SYNDIG1: variants seen among roughly 807,000 people sequenced by gnomAD.
SYNDIG1 encodes synapse differentiation inducing 1.
SYNDIG1 carries 9 observed loss-of-function variants against 19.4 expected under a neutral mutation model. The ratio of observed to expected loss-of-function variants is 0.46; its 90% confidence interval spans 0.28 to 0.81. The LOEUF (loss-of-function observed/expected upper bound fraction) is 0.81, where lower values mean the gene tolerates loss of function less well. SYNDIG1 is among the 30% of genes least tolerant of loss of function. The pLI is 0.12. For synonymous variants in SYNDIG1, 141 were observed against 145.9 expected, an observed-to-expected ratio of 0.97 and a Z score of 0.24; for missense variants, 311 against 343.3, an observed-to-expected ratio of 0.91 and a Z score of 0.74.
At chr20:24,652,196 TG>T (rs2059480411) in intron 3 of SYNDIG1, among the ~76,000 whole-genome samples, 1 of 152,176 alleles carries the variant, frequency 6.6e-6, no homozygotes, top group Non-Finnish European at 1.5e-5. Context: ...GAAATGGGAT[TG>T]ACGGGAAAGC....
At chr20:24,604,753 T>TAAAA (rs2058729297) in intron 3 of SYNDIG1, among the ~76,000 whole-genome samples, 1 of 152,200 alleles carries the variant, frequency 6.6e-6, no homozygotes, top group Non-Finnish European at 1.5e-5. Context: ...TTTACTTTTT[T>TAAAA]AATAAACTTG....
intron 1 of SYNDIG1, among the ~76,000 whole-genome samples, chr20:24,499,093 C>T (rs1168450122): frequency 1.3e-5 from 2 of 152,198 alleles, no homozygotes; most frequent in Admixed American, 1.3e-4. Context: ...GGCACGATCT[C>T]GGCTCACTGC....
At chr20:24,501,255 T>A (rs1393426342) in intron 1 of SYNDIG1, among the ~76,000 whole-genome samples, 1 of 152,220 alleles carries the variant, frequency 6.6e-6, no homozygotes, top group African/African-American at 2.4e-5. Context: ...TATAATCTAC[T>A]AAAACTCTTG....
At chr20:24,659,095 G>C (rs138337854) in intron 3 of SYNDIG1, among the ~76,000 whole-genome samples, 2 of 152,078 alleles carry the variant, frequency 1.3e-5, no homozygotes, top group African/African-American at 2.4e-5. Context: ...ACTGCTGAGC[G>C]TGGCATACTG....
intron 3 of SYNDIG1, among the ~76,000 whole-genome samples, chr20:24,635,479 C>A (rs1183633673): frequency 6.6e-6 from 1 of 152,196 alleles, no homozygotes; most frequent in Non-Finnish European, 1.5e-5. Context: ...AAGCTCACTG[C>A]AGATTCAGGG....
chr20:24,586,467 C>A (rs963635840), intron 3 of SYNDIG1, among the ~76,000 whole-genome samples: 1 of 152,184 alleles, frequency 6.6e-6, no homozygotes, highest in East Asian at 1.9e-4. Flanking sequence ...AGGTCCCAGA[C>A]TGGGACACAC....
rs1409371 is a variant in SYNDIG1, at chr20:24,565,096, C to G, written c.481-19760C>G. The stretch of plus-strand genomic sequence containing the variant: ...CATCTGAATCTTCAGTAAGTTTTCA[C>G]TGGACCTCAAATTCCCATGTAGGCA... On this transcript the variant is annotated intron_variant, in intron 2 of 3. Transcript: ENST00000376862. 5.4e-3 allele frequency among the ~76,000 whole-genome samples: 827 copies of G among 152,062 alleles called. 3 individuals carry two copies. Among genetic ancestry groups the G allele is most frequent in the Middle Eastern group, 0.024 (7 of 294 alleles).
chr20:24,652,685 C>T (rs902954247), intron 3 of SYNDIG1, among the ~76,000 whole-genome samples: 1 of 151,844 alleles, frequency 6.6e-6, no homozygotes, highest in Admixed American at 6.6e-5. Flanking sequence ...CTGCAAATAC[C>T]TGCCCTGACT....
At chr20:24,564,061 G>A (rs1350311281) in intron 2 of SYNDIG1, among the ~76,000 whole-genome samples, 1 of 152,076 alleles carries the variant, frequency 6.6e-6, no homozygotes, top group African/African-American at 2.4e-5. Context: ...CAAACCCCTA[G>A]CATTTCAGTA....
intron 3 of SYNDIG1, among the ~76,000 whole-genome samples, chr20:24,635,639 C>T (rs1372836164): frequency 2.0e-5 from 3 of 152,154 alleles, no homozygotes; most frequent in East Asian, 3.8e-4. Flanking sequence ...TTTTTATAAG[C>T]TTTTTTTACA....
At chr20:24,484,114 G>C (rs1346609345) in intron 1 of SYNDIG1, among the ~76,000 whole-genome samples, 3 of 152,156 alleles carry the variant, frequency 2.0e-5, no homozygotes, top group African/African-American at 7.2e-5. Context: ...GATGGGGTCA[G>C]ACGAATTCAA....
intron 2 of SYNDIG1, among the ~76,000 whole-genome samples, chr20:24,557,251 T>C (rs879457575): frequency 1.3e-5 from 2 of 152,212 alleles, no homozygotes; most frequent in Admixed American, 1.3e-4. Context: ...TTGATTTGAA[T>C]TTCCTCCTGT....
At chr20:24,545,380 G>T (rs2057555946) in intron 2 of SYNDIG1, among the ~76,000 whole-genome samples, 1 of 152,136 alleles carries the variant, frequency 6.6e-6, no homozygotes, top group South Asian at 2.1e-4. Context: ...AGAAGCCTCT[G>T]CCCTGTCTAC....
At chr20:24,507,067 G>A (rs2056611202) in intron 1 of SYNDIG1, among the ~76,000 whole-genome samples, 1 of 152,230 alleles carries the variant, frequency 6.6e-6, no homozygotes, top group Admixed American at 6.5e-5. Flanking sequence ...CACTGGAAGT[G>A]GAGTGGGAAG....
intron 1 of SYNDIG1, among the ~76,000 whole-genome samples, chr20:24,498,683 G>C (rs907392031): frequency 3.9e-5 from 6 of 152,196 alleles, no homozygotes; most frequent in African/African-American, 1.4e-4. Context: ...ATGTGTTCTT[G>C]TGTGTAGCTG....
chr20:24,620,844 T>C (rs1267729057), intron 3 of SYNDIG1, among the ~76,000 whole-genome samples: 4 of 152,242 alleles, frequency 2.6e-5, no homozygotes, highest in African/African-American at 9.6e-5. Flanking sequence ...TTCAAATCAA[T>C]ATATCAAATT....
intron 3 of SYNDIG1, among the ~76,000 whole-genome samples, chr20:24,607,771 C>CTT (rs756033161): frequency 3.3e-5 from 5 of 152,222 alleles, no homozygotes; most frequent in Admixed American, 6.5e-5. Context: ...TTTTTGTAGA[C>CTT]TTTTTAGGTG....
At chr20:24,653,701 A>G (rs2059496192) in intron 3 of SYNDIG1, among the ~76,000 whole-genome samples, 1 of 152,224 alleles carries the variant, frequency 6.6e-6, no homozygotes, top group Non-Finnish European at 1.5e-5. Flanking sequence ...CTGCCATAAC[A>G]AAATGCCAGA....
chr20:24,514,926 T>A (rs1221683705), intron 1 of SYNDIG1, among the ~76,000 whole-genome samples: 2 of 152,186 alleles, frequency 1.3e-5, no homozygotes, highest in Admixed American at 6.5e-5. Flanking sequence ...ACAAACTGTC[T>A]CTCAGACCAC....
Sources: gnomAD v4.1 joint callset for allele counts (sites outside exome capture counted in the v4.1 genomes callset) on GRCh38, gnomAD v4.1.1 for gene constraint, MANE v1.5 for transcripts, NCBI Gene and HGNC (gene_info 2026-07-23, HGNC 2026-07-21) for gene names.